The following TOP6BL variants were observed in gnomAD, a reference collection of about 807,000 sequenced individuals.
The protein encoded by TOP6BL is type 2 DNA topoisomerase 6 subunit B-like.
the TOP6BL span, among the ~76,000 whole-genome samples, chr11:66,832,871 G>A: frequency 6.6e-6 from 1 of 152,066 alleles, no homozygotes; most frequent in Non-Finnish European, 1.5e-5. Flanking sequence ...CAAAATCAAG[G>A]TGTTGGCAGG....
At chr11:66,765,055 T>C in the TOP6BL span, among the ~76,000 whole-genome samples, 3 of 152,144 alleles carry the variant, frequency 2.0e-5, no homozygotes, top group Non-Finnish European at 4.4e-5. Context: ...CCACACTTAA[T>C]GTGCTTGTAC....
At chr11:66,780,125 G>A in the TOP6BL span, among the ~76,000 whole-genome samples, 6 of 151,818 alleles carry the variant, frequency 4.0e-5, no homozygotes, top group East Asian at 5.8e-4. Flanking sequence ...AAACCTGCAC[G>A]TTGTGCACAT....
chr11:66,837,050 A>G, the TOP6BL span, among the ~76,000 whole-genome samples: 4 of 152,176 alleles, frequency 2.6e-5, no homozygotes, highest in South Asian at 8.3e-4. Flanking sequence ...GTACCTTAGC[A>G]GGTATGATTT....
the TOP6BL span, among the ~76,000 whole-genome samples, chr11:66,825,229 A>C: frequency 6.6e-6 from 1 of 150,866 alleles, no homozygotes; most frequent in African/African-American, 2.4e-5. Context: ...AAGTAATGTC[A>C]ACACTTTGGG....
At chr11:66,801,294 C>A in the TOP6BL span, 2 of 600,834 alleles carry the variant, frequency 3.3e-6, no homozygotes, top group African/African-American at 3.7e-5. Context: ...GTATTTGAAT[C>A]TATTCTAAAT....
chr11:66,763,615 T>C, the TOP6BL span, among the ~76,000 whole-genome samples: 7 of 151,972 alleles, frequency 4.6e-5, no homozygotes, highest in Non-Finnish European at 1.0e-4. Context: ...TGTCCTATTA[T>C]TATTTTTGAG....
the TOP6BL span, chr11:66,838,363 T>C: frequency 6.2e-7 from 1 of 1,613,564 alleles, no homozygotes; most frequent in Non-Finnish European, 8.5e-7. Flanking sequence ...CTAATTTTTT[T>C]AAGCAGCTAA....
the TOP6BL span, among the ~76,000 whole-genome samples, chr11:66,773,636 G>C: frequency 6.6e-6 from 1 of 151,918 alleles, no homozygotes; most frequent in Non-Finnish European, 1.5e-5. Context: ...TGCTCGTTTG[G>C]GGTCTTACTT....
At chr11:66,842,880 C>T in the TOP6BL span, 3 of 1,575,142 alleles carry the variant, frequency 1.9e-6, no homozygotes, top group East Asian at 2.4e-5. Context: ...ACAAGAGGCT[C>T]AAGAGGGGCA....
chr11:66,799,481 G>T, the TOP6BL span, among the ~76,000 whole-genome samples: 2 of 151,638 alleles, frequency 1.3e-5, no homozygotes, highest in Non-Finnish European at 2.9e-5. Context: ...CGAGGTGGGT[G>T]GATCACTCAC....
chr11:66,813,786 C>T, the TOP6BL span: 2 of 1,326,740 alleles, frequency 1.5e-6, no homozygotes, highest in East Asian at 4.6e-5. Flanking sequence ...TAAACCAGGT[C>T]AGTGTTGTTT....
At chr11:66,765,636 C>A in the TOP6BL span, among the ~76,000 whole-genome samples, 1 of 152,200 alleles carries the variant, frequency 6.6e-6, no homozygotes, top group Non-Finnish European at 1.5e-5. Flanking sequence ...CTGCCTCAGC[C>A]TCCCAAGTAG....
chr11:66,748,043 G>GAA, the TOP6BL span, among the ~76,000 whole-genome samples: 1 of 151,968 alleles, frequency 6.6e-6, no homozygotes, highest in Non-Finnish European at 1.5e-5. Flanking sequence ...TTTGGGGCAG[G>GAA]AAAAAAGAAA....
the TOP6BL span, among the ~76,000 whole-genome samples, chr11:66,842,351 G>A: frequency 6.6e-6 from 1 of 152,198 alleles, no homozygotes; most frequent in Non-Finnish European, 1.5e-5. Context: ...TCAGGGAAAA[G>A]CTCATTGATC....
the TOP6BL span, among the ~76,000 whole-genome samples, chr11:66,766,578 G>A: frequency 6.6e-6 from 1 of 152,224 alleles, no homozygotes; most frequent in Non-Finnish European, 1.5e-5. Flanking sequence ...TAATGGAGGT[G>A]TAAGTTGAAA....
the TOP6BL span, chr11:66,744,856 T>A: frequency 7.6e-7 from 1 of 1,308,286 alleles, no homozygotes; most frequent in South Asian, 2.5e-5. Flanking sequence ...GCGGGTACCC[T>A]TCGACTGGGC....
At chr11:66,761,789 CA>C in the TOP6BL span, 1 of 803,306 alleles carries the variant, frequency 1.2e-6, no homozygotes, top group Non-Finnish European at 2.2e-6. Context: ...GCTGGTGGAC[CA>C]AAAGCTAACT....
the TOP6BL span, among the ~76,000 whole-genome samples, chr11:66,792,609 T>A: frequency 3.3e-5 from 5 of 152,228 alleles, no homozygotes; most frequent in South Asian, 4.1e-4. Flanking sequence ...GTGCTGCCAC[T>A]TAACTAGCTG....
chr11:66,766,691 A>T, the TOP6BL span, among the ~76,000 whole-genome samples: 1 of 152,204 alleles, frequency 6.6e-6, no homozygotes, highest in South Asian at 2.1e-4. Context: ...CAATTCAGAC[A>T]GCTTTTCTAC....
Sources: allele counts gnomAD v4.1 joint callset (sites outside exome capture counted in the v4.1 genomes callset), GRCh38; gene constraint gnomAD v4.1.1; transcripts MANE v1.5; gene names NCBI Gene and HGNC (gene_info 2026-07-23, HGNC 2026-07-21).